The following SENP7 variants were observed in gnomAD, a reference collection of about 807,000 sequenced individuals.
SENP7 encodes SUMO specific peptidase 7.
SENP7 carries 64 observed loss-of-function variants against 141.2 expected under a neutral mutation model. The ratio of observed to expected loss-of-function variants is 0.45; its 90% CI spans 0.37 to 0.56. The LOEUF (loss-of-function observed/expected upper bound fraction) is 0.56, where lower values mean the gene tolerates loss of function less well. Ranked by LOEUF, SENP7 falls within the 20% of genes least tolerant of loss-of-function variation. The pLI, the probability that SENP7 is intolerant of heterozygous loss-of-function variation, is 0.00. For synonymous variants in SENP7, 382 were observed against 426.4 expected (o/e 0.90, Z 1.28); for missense variants, 1,025 against 1,212.2 (o/e 0.85, Z 2.29).
intron 5 of SENP7, among the ~76,000 whole-genome samples, chr3:101,411,480 A>G (rs1006905383): frequency 1.3e-5 from 2 of 152,320 alleles, no homozygotes; most frequent in African/African-American, 4.8e-5. Context: ...TTCATCAACT[A>G]TTGAAAACTT....
chr3:101,350,420 T>C (rs1049474586), intron 12 of SENP7, among the ~76,000 whole-genome samples: 2 of 152,132 alleles, frequency 1.3e-5, no homozygotes, highest in Non-Finnish European at 2.9e-5. Context: ...CAAAAACCTT[T>C]ATATGCATGC....
intron 3 of SENP7, among the ~76,000 whole-genome samples, chr3:101,475,450 G>A (rs1364960356): frequency 6.6e-6 from 1 of 152,164 alleles, no homozygotes; most frequent in Non-Finnish European, 1.5e-5. Context: ...AACTAATGCA[G>A]GAACAGAAAA....
At position 101,501,094 on chromosome 3, in the gene SENP7, T is replaced by G; in HGVS notation, c.66A>C (p.Lys22Asn). The change falls in exon 2 of 24, where the codon AAA becomes AAC. Residue 22 changes from lysine to asparagine, a missense_variant. Physicochemically the swap from Lys to Asn is moderately conservative, Grantham distance 94. Coordinates refer to ENST00000394095, the MANE Select transcript of SENP7 (RefSeq NM_020654.5). Reference sequence around the variant, plus strand: ...CCTCCGATAAATCAGAAGATGACTTTTTCCTTTTTCCTTCTGTGATGATTT... The same window carrying G: ...CCTCCGATAAATCAGAAGATGACTTGTTCCTTTTTCCTTCTGTGATGATTT... The part of the protein sequence containing the change: ...SSEIITEGKR[K>N]KSSSDLSEIR... 6.2e-7 allele frequency: 1 copy of G among 1,607,650 alleles called. No individual in the cohort carries two copies. Among genetic ancestry groups the G allele is most frequent in the Non-Finnish European group, 8.5e-7 (1 of 1,176,484 alleles).
intron 6 of SENP7, among the ~76,000 whole-genome samples, chr3:101,390,602 G>A (rs970233062): frequency 2.0e-5 from 3 of 152,070 alleles, no homozygotes; most frequent in Non-Finnish European, 2.9e-5. Context: ...GAAATATAAA[G>A]CAAATATTAT....
At chr3:101,469,579 C>T (rs2063899186) in intron 3 of SENP7, among the ~76,000 whole-genome samples, 1 of 116,876 alleles carries the variant, frequency 8.6e-6, no homozygotes, top group African/African-American at 2.9e-5. Context: ...AATCCCAGCA[C>T]TTTGGGAGGC....
chr3:101,442,513 C>A (rs1335960431), intron 4 of SENP7, among the ~76,000 whole-genome samples: 1 of 152,196 alleles, frequency 6.6e-6, no homozygotes, highest in Non-Finnish European at 1.5e-5. Flanking sequence ...TCACCTGCCA[C>A]CCACCCCCTG....
At chr3:101,447,341 C>A (rs2062935587) in intron 4 of SENP7, among the ~76,000 whole-genome samples, 1 of 151,910 alleles carries the variant, frequency 6.6e-6, no homozygotes, top group South Asian at 2.1e-4. Context: ...GACTTGGAGG[C>A]TGAGGAATGA....
chr3:101,430,331 T>C (rs544971704), intron 4 of SENP7, among the ~76,000 whole-genome samples: 14 of 152,214 alleles, frequency 9.2e-5, no homozygotes, highest in Non-Finnish European at 5.9e-5. Context: ...CTTTTTTTGG[T>C]TGGCAGGCTA....
At chr3:101,490,087 G>A (rs1183868552) in intron 3 of SENP7, among the ~76,000 whole-genome samples, 1 of 152,038 alleles carries the variant, frequency 6.6e-6, no homozygotes, top group Non-Finnish European at 1.5e-5. Context: ...GGGAGGCTGT[G>A]GTGGGAGAAA....
At chr3:101,347,706 A>T in intron 13 of SENP7, 166 bp downstream of exon 13, 1 of 386,816 alleles carries the variant, frequency 2.6e-6, no homozygotes. Flanking sequence ...TGGGTGACAA[A>T]GCGAGACTCC....
At chr3:101,435,851 A>C (rs180707530) in intron 4 of SENP7, among the ~76,000 whole-genome samples, 1 of 152,276 alleles carries the variant, frequency 6.6e-6, no homozygotes, top group East Asian at 1.9e-4. Context: ...ATACCACCCA[A>C]AGCAATCTAC....
At chr3:101,448,189 T>A (rs1271682296) in intron 4 of SENP7, among the ~76,000 whole-genome samples, 1 of 152,206 alleles carries the variant, frequency 6.6e-6, no homozygotes, top group African/African-American at 2.4e-5. Context: ...GATTAGGCAG[T>A]GGTTTCTTAG....
intron 3 of SENP7, among the ~76,000 whole-genome samples, chr3:101,490,192 AAAAC>A (rs1315694895): frequency 2.1e-4 from 32 of 152,248 alleles, no homozygotes; most frequent in Admixed American, 1.3e-3. Context: ...TCTCAAAAAA[AAAAC>A]AAACAAACAA....
chr3:101,411,395 G>A (rs1445615974), intron 5 of SENP7, among the ~76,000 whole-genome samples: 2 of 152,114 alleles, frequency 1.3e-5, no homozygotes, highest in African/African-American at 4.8e-5. Context: ...TACAATTAAA[G>A]TATATAATTA....
chr3:101,332,303 A>G (rs981283938), intron 18 of SENP7, among the ~76,000 whole-genome samples, 194 bp from the exon 19 acceptor site: 2 of 152,184 alleles, frequency 1.3e-5, no homozygotes, highest in African/African-American at 2.4e-5. Context: ...AAGTAACACT[A>G]TTTAGGGTAA....
At chr3:101,386,220 G>A (rs983166868) in intron 6 of SENP7, among the ~76,000 whole-genome samples, 1 of 152,128 alleles carries the variant, frequency 6.6e-6, no homozygotes, top group African/African-American at 2.4e-5. Context: ...CAGAAAAAGG[G>A]AAATGAAGCA....
intron 3 of SENP7, 87 bp downstream of exon 3, chr3:101,493,786 C>G: frequency 1.3e-6 from 1 of 780,780 alleles, no homozygotes; most frequent in Non-Finnish European, 2.0e-6. Context: ...AGGGACATAT[C>G]AGAAAATAAA....
chr3:101,405,063 G>A (rs1007743485), intron 5 of SENP7, among the ~76,000 whole-genome samples: 6 of 152,108 alleles, frequency 3.9e-5, no homozygotes, highest in African/African-American at 9.7e-5. Context: ...GCTCTGACTC[G>A]ACAGACAGAG....
At chr3:101,445,658 A>T (rs1336299639) in intron 4 of SENP7, among the ~76,000 whole-genome samples, 1 of 152,182 alleles carries the variant, frequency 6.6e-6, no homozygotes, top group Non-Finnish European at 1.5e-5. Context: ...TCCTAGATAA[A>T]GACACACATA....
Sources: gnomAD v4.1 joint callset for allele counts (sites outside exome capture counted in the v4.1 genomes callset) on GRCh38, gnomAD v4.1.1 for gene constraint, MANE v1.5 for transcripts, NCBI Gene and HGNC (gene_info 2026-07-23, HGNC 2026-07-21) for gene names.